SDK2: variants seen among roughly 807,000 people sequenced by gnomAD.
SDK2 encodes the protein protein sidekick-2.
Under a neutral mutation model 253.9 loss-of-function variants are expected in SDK2, and 105 were observed. The ratio of observed to expected loss-of-function variants is 0.41; its 90% CI spans 0.35 to 0.49. The LOEUF (loss-of-function observed/expected upper bound fraction) is 0.49, where lower values mean the gene tolerates loss of function less well. SDK2 is among the 20% of genes least tolerant of loss of function. SDK2 has a pLI of 0.06. For synonymous variants in SDK2, 1,249 were observed against 1,234.9 expected, an observed-to-expected ratio of 1.01 and a Z score of -0.24; for missense variants, 2,608 against 3,003.0, an observed-to-expected ratio of 0.87 and a Z score of 3.07.
In SDK2 at chr17:73,443,171, C is replaced by T. The variant is rs541548467; in HGVS notation, c.614-2248G>A. 2.0e-5 allele frequency among the ~76,000 whole-genome samples: 3 copies of T among 152,164 alleles called. No individual in the cohort carries two copies. Among genetic ancestry groups the T allele is most frequent in the Non-Finnish European group, 2.9e-5 (2 of 68,040 alleles). On this transcript the variant is annotated intron_variant, in intron 5 of 44. Coordinates refer to ENST00000392650, the MANE Select transcript of SDK2 (RefSeq NM_001144952.2). This position sits in a 1 kb window ranked among gnomAD's most constrained non-coding sequence, Gnocchi z 4.6. Reference sequence around the variant, plus strand: ...GCAGGGTGCACAGTGGCCCCACTGCCCCTCTGGGCCACCTTGTCAGCCCTG... The same window carrying T: ...GCAGGGTGCACAGTGGCCCCACTGCTCCTCTGGGCCACCTTGTCAGCCCTG...
chr17:73,458,259 C>G (rs1203426128), intron 3 of SDK2, among the ~76,000 whole-genome samples: 8 of 152,184 alleles, frequency 5.3e-5, no homozygotes, highest in African/African-American at 1.9e-4. Flanking sequence ...CTGAGTATTT[C>G]TAAAGATGTT....
At chr17:73,367,634 C>G (rs546713856) in intron 37 of SDK2, among the ~76,000 whole-genome samples, 2 of 152,270 alleles carry the variant, frequency 1.3e-5, no homozygotes, top group Admixed American at 1.3e-4. Context: ...TCCCAAGTAG[C>G]TGGGATTACA....
chr17:73,487,582 G>A (rs564846688), intron 2 of SDK2, among the ~76,000 whole-genome samples: 31 of 152,332 alleles, frequency 2.0e-4, no homozygotes, highest in Non-Finnish European at 2.4e-4. Flanking sequence ...ACCTGGGAGC[G>A]GGTCAGAAAT....
rs370698585 is a variant in SDK2, at chr17:73,365,322, C to T, written c.5241G>A (p.Pro1747=). 72 of 1,612,732 alleles carry T rather than the reference C, an allele frequency of 4.5e-5. No individual in the cohort carries two copies. Among genetic ancestry groups the T allele is most frequent in the East Asian group, 8.9e-5 (4 of 44,804 alleles). ...TTSVNVSWEA[P]QFPNGILEGY... ...CCTCCAGGATGCCATTGGGGAACTG[C>T]GGGGCTTCCCAGGACACATTCACTG... The change falls in exon 38 of 45, where the codon CCG becomes CCA. Residue 1747 remains proline (P), a synonymous_variant. Coordinates refer to ENST00000392650, the MANE Select transcript of SDK2 (RefSeq NM_001144952.2).
chr17:73,552,599 G>T (rs572271270), intron 1 of SDK2, among the ~76,000 whole-genome samples: 1 of 152,292 alleles, frequency 6.6e-6, no homozygotes, highest in South Asian at 2.1e-4. Context: ...CACTCAAGAA[G>T]TACGTACGAG....
intron 18 of SDK2, among the ~76,000 whole-genome samples, chr17:73,409,683 T>C (rs879775811): frequency 5.3e-5 from 8 of 152,120 alleles, no homozygotes; most frequent in Non-Finnish European, 1.2e-4. Context: ...TCATTCTTAT[T>C]GGAGGTATAC....
In SDK2 at chr17:73,435,507, A is replaced by C; in HGVS notation, c.1138T>G (p.Cys380Gly). The C allele has an allele frequency of 6.2e-7, 1 of 1,601,702 alleles. No homozygotes were observed. Among genetic ancestry groups the C allele is most frequent in the Non-Finnish European group, 8.5e-7 (1 of 1,174,554 alleles). Residue 380 changes from cysteine to glycine, a missense_variant, in exon 9 of 45, where the codon TGC becomes GGC. By Grantham distance (159) the Cys-to-Gly change is radical. Coordinates refer to ENST00000392650, the MANE Select transcript of SDK2 (RefSeq NM_001144952.2). This position sits in a 1 kb window ranked among gnomAD's most constrained non-coding sequence, Gnocchi z 5.7. ...LVPDDTGMFQ[C>G]FARNAAGEVQ... ...TCGCCGGCTGCATTGCGGGCGAAGCACTGGAACATGCCGGTATCATCGGGC... is the reference window on the plus strand; with the variant it reads ...TCGCCGGCTGCATTGCGGGCGAAGCCCTGGAACATGCCGGTATCATCGGGC...
chr17:73,643,978 C>CCCCA lies in SDK2; in HGVS notation c.64+46_64+47insTGGG. 1.6e-6 allele frequency: 2 copies of CCCCA among 1,223,472 alleles called. No homozygotes were observed. The highest frequency in any genetic ancestry group is 2.3e-6 in the Non-Finnish European group (2 of 858,392). The allele number at this position is 1,223,472 out of a possible 1,614,324, so 75.8% of individuals were successfully genotyped here. On this transcript the variant is annotated intron_variant, in intron 1 of 44. Coordinates refer to ENST00000392650, the MANE Select transcript of SDK2 (RefSeq NM_001144952.2). The surrounding 1 kb of genome is among the most constrained non-coding windows in gnomAD (Gnocchi z 6.9). Reference sequence around the variant, plus strand: ...CAGCTCCCGCCGCCCCTCCCCCGCCCACTCTCCCAGCCCCCTCCCTGTCCC... The same window carrying CCCCA: ...CAGCTCCCGCCGCCCCTCCCCCGCCCCCCAACTCTCCCAGCCCCCTCCCTGTCCC...
rs1346475544 is a variant in SDK2 at position 73,455,097 on chromosome 17, G to A, written c.479+809C>T. Among the ~76,000 whole-genome samples the A allele has an allele frequency of 6.6e-6, 1 of 152,078 alleles. No individual in the cohort carries two copies. Among genetic ancestry groups the A allele is most frequent in the Non-Finnish European group, 1.5e-5 (1 of 68,016 alleles). On this transcript the variant is annotated intron_variant, in intron 4 of 44. Transcript: ENST00000392650. This position sits in a 1 kb window ranked among gnomAD's most constrained non-coding sequence, Gnocchi z 5.0. ...CCAAAGGCAGGAACCATCCATCTACGCCTCCACTCTCTACAGAGACCAGGA... is the reference window on the plus strand; with the variant it reads ...CCAAAGGCAGGAACCATCCATCTACACCTCCACTCTCTACAGAGACCAGGA...
At position 73,338,936 on chromosome 17, in the gene SDK2, C is replaced by T; in HGVS notation, c.6170G>A (p.Ser2057Asn). 1.2e-6 allele frequency: 2 copies of T among 1,613,886 alleles called. No homozygotes were observed. Among genetic ancestry groups the T allele is most frequent in the Non-Finnish European group, 1.7e-6 (2 of 1,179,752 alleles). Residue 2057 changes from serine to asparagine, a missense_variant, in exon 45 of 45, where the codon AGT becomes AAT. This residue lies in a region of SDK2 where 1,103 missense variants were observed against 1,143.9 expected (regional missense o/e 0.96). Transcript: ENST00000392650. The surrounding 1 kb of genome is among the most constrained non-coding windows in gnomAD (Gnocchi z 5.0). ...TGAGTCGACCTCGTACTCGCTGTCACTTCCCTGGGAGGACAGAGAATCAGG... is the reference window on the plus strand; with the variant it reads ...TGAGTCGACCTCGTACTCGCTGTCATTTCCCTGGGAGGACAGAGAATCAGG... ...KPSEISDSQG[S>N]DSEYEVDSNH...
rs376989391 is a variant in SDK2 at position 73,440,862 on chromosome 17, G to A, written c.675C>T (p.Ser225=). The change falls in exon 6 of 45, where the codon AGC becomes AGT. Residue 225 remains serine (S), a synonymous_variant. Coordinates refer to ENST00000392650, the MANE Select transcript of SDK2 (RefSeq NM_001144952.2). ...PTIIIPPKNT[S]VVAGTSEVTL... Reference sequence around the variant, plus strand: ...TAACCTCTGAGGTGCCGGCCACCACGCTGGTGTTTTTAGGTGGGATGATGA... The same window carrying A: ...TAACCTCTGAGGTGCCGGCCACCACACTGGTGTTTTTAGGTGGGATGATGA... 77 of 1,551,614 alleles carry A rather than the reference G, an allele frequency of 5.0e-5. No individual in the cohort carries two copies. The highest frequency in any genetic ancestry group is 5.8e-5 in the Non-Finnish European group (66 of 1,146,994).
chr17:73,495,619 C>CGTGTGT (rs60091992), intron 2 of SDK2, among the ~76,000 whole-genome samples: 2,076 of 148,448 alleles, frequency 0.014, 13 homozygotes, highest in East Asian at 0.045. Context: ...AGGCCTGCCC[C>CGTGTGT]GTGTGTGTGT....
At chr17:73,504,299 A>G (rs2063916965) in intron 2 of SDK2, 1 of 98,036 alleles carries the variant, frequency 1.0e-5, no homozygotes, top group East Asian at 2.5e-4. Flanking sequence ...AAAGAAAGAG[A>G]GAGGGAAAGA....
chr17:73,477,182 C>T (rs2063692088), intron 2 of SDK2, among the ~76,000 whole-genome samples: 2 of 152,196 alleles, frequency 1.3e-5, no homozygotes, highest in Admixed American at 1.3e-4. Context: ...ATGACAGTAA[C>T]AGCACTCATT....
chr17:73,445,844 A>G (rs1599573570), intron 5 of SDK2, among the ~76,000 whole-genome samples: 2 of 152,254 alleles, frequency 1.3e-5, no homozygotes, highest in South Asian at 2.1e-4. Flanking sequence ...TCAGCGTGTG[A>G]TGGCAGGAGG....
At chr17:73,561,336 G>C (rs1379298537) in intron 1 of SDK2, among the ~76,000 whole-genome samples, 2 of 152,210 alleles carry the variant, frequency 1.3e-5, no homozygotes, top group Admixed American at 6.5e-5. Flanking sequence ...CTAGGGGGAA[G>C]TGGGAGGTAG....
In SDK2 at chr17:73,496,172, C is replaced by G. The variant is rs527973955; in HGVS notation, c.224+11266G>C. On this transcript the variant is annotated intron_variant, in intron 2 of 44. Transcript: ENST00000392650. The surrounding 1 kb of genome is among the most constrained non-coding windows in gnomAD (Gnocchi z 4.7). Reference sequence around the variant, plus strand: ...TGCCCTTGGTGGCTCTCAGACCATCCTTTCCATTGATGGAGCCATCTGTGA... The same window carrying G: ...TGCCCTTGGTGGCTCTCAGACCATCGTTTCCATTGATGGAGCCATCTGTGA... 3.3e-5 allele frequency among the ~76,000 whole-genome samples: 5 copies of G among 152,192 alleles called. No individual in the cohort carries two copies. Among genetic ancestry groups the G allele is most frequent in the Admixed American group, 6.5e-5 (1 of 15,288 alleles).
At chr17:73,510,084 T>C (rs1339672302) in intron 1 of SDK2, among the ~76,000 whole-genome samples, 1 of 151,494 alleles carries the variant, frequency 6.6e-6, no homozygotes, top group Non-Finnish European at 1.5e-5. Context: ...GGCTGGAGCA[T>C]AAGGAAGGCC....
chr17:73,348,566 C>T, intron 44 of SDK2, 33 bp downstream of exon 44: 1 of 1,607,100 alleles, frequency 6.2e-7, no homozygotes, highest in Non-Finnish European at 8.5e-7. Context: ...TGCTCCCTGC[C>T]CCCTGCAGGA....
Sources: gnomAD v4.1 joint callset for allele counts (sites outside exome capture counted in the v4.1 genomes callset) on GRCh38, gnomAD v4.1.1 for gene constraint, gnomAD v4.1.1 regional missense constraint, Gnocchi (gnomAD v3.1) non-coding constraint, MANE v1.5 for transcripts, NCBI Gene and HGNC (gene_info 2026-07-23, HGNC 2026-07-21) for gene names.